Variants in PRKCQ observed in about 807,000 individuals in gnomAD.
PRKCQ encodes protein kinase C theta.
A neutral mutation model predicts 91.2 loss-of-function variants in PRKCQ; 41 were observed. That is an observed-to-expected ratio of 0.45 (90% CI 0.35 to 0.58). The LOEUF is 0.58. PRKCQ is among the 20% of genes least tolerant of loss of function. The pLI is 0.00. For synonymous variants in PRKCQ, 307 were observed against 316.9 expected (o/e 0.97, Z 0.33); for missense variants, 673 against 896.5 (o/e 0.75, Z 3.18).
intron 1 of PRKCQ, among the ~76,000 whole-genome samples, chr10:6,578,200 A>G (rs962910974): frequency 6.6e-6 from 1 of 152,218 alleles, no homozygotes; most frequent in African/African-American, 2.4e-5. Context: ...CTGAAGGAGA[A>G]GTGAGACAGC....
intron 1 of PRKCQ, among the ~76,000 whole-genome samples, chr10:6,527,726 A>G (rs1564375209): frequency 6.6e-6 from 1 of 152,122 alleles, no homozygotes; most frequent in Non-Finnish European, 1.5e-5. Context: ...CCACAATGAC[A>G]AAAGGCCCCG....
chr10:6,473,138 T>G (rs1836084189), intron 12 of PRKCQ, among the ~76,000 whole-genome samples: 1 of 152,216 alleles, frequency 6.6e-6, no homozygotes, highest in African/African-American at 2.4e-5. Context: ...ATGTTAAATG[T>G]CCCTTTCCCA....
intron 16 of PRKCQ, among the ~76,000 whole-genome samples, chr10:6,438,683 C>T (rs1833816082): frequency 6.6e-6 from 1 of 152,114 alleles, no homozygotes; most frequent in Admixed American, 6.5e-5. Context: ...GTAACCTCCA[C>T]CTTGTGGGCT....
At chr10:6,402,549 AG>A in the PRKCQ span, among the ~76,000 whole-genome samples, 1 of 152,094 alleles carries the variant, frequency 6.6e-6, no homozygotes, top group Non-Finnish European at 1.5e-5. Context: ...AAAGAAGCAA[AG>A]GGGACTTAAC....
chr10:6,470,293 C>T (rs961924278), intron 12 of PRKCQ, among the ~76,000 whole-genome samples: 1 of 152,164 alleles, frequency 6.6e-6, no homozygotes, highest in Non-Finnish European at 1.5e-5. Flanking sequence ...ACCTTTCCCC[C>T]CTGCTCTTCC....
intron 11 of PRKCQ, among the ~76,000 whole-genome samples, chr10:6,479,548 A>G (rs1400789347): frequency 6.6e-6 from 1 of 152,142 alleles, no homozygotes; most frequent in Non-Finnish European, 1.5e-5. Context: ...CATCACTGCA[A>G]GTGCACATAA....
At chr10:6,414,119 G>A in the PRKCQ span, among the ~76,000 whole-genome samples, 27 of 152,272 alleles carry the variant, frequency 1.8e-4, no homozygotes, top group Middle Eastern at 3.4e-3. Flanking sequence ...AGGTGACTCC[G>A]GAAGGTTCCC....
chr10:6,394,276 A>G, the PRKCQ span, among the ~76,000 whole-genome samples: 1 of 152,152 alleles, frequency 6.6e-6, no homozygotes, highest in Non-Finnish European at 1.5e-5. Flanking sequence ...TCGTAAGTGT[A>G]GTGGCCTGAT....
intron 1 of PRKCQ, among the ~76,000 whole-genome samples, chr10:6,563,431 CAT>C (rs1234548134): frequency 6.6e-6 from 1 of 152,086 alleles, no homozygotes; most frequent in East Asian, 1.9e-4. Flanking sequence ...GATGTTGGGC[CAT>C]CTCTCCTACC....
intron 14 of PRKCQ, among the ~76,000 whole-genome samples, chr10:6,458,529 TC>T (rs960494919): frequency 5.3e-5 from 8 of 152,014 alleles, no homozygotes; most frequent in African/African-American, 1.9e-4. Flanking sequence ...GAAGAGAACA[TC>T]CAGGGGCACC....
At chr10:6,578,761 T>C (rs986604645) in intron 1 of PRKCQ, among the ~76,000 whole-genome samples, 1 of 152,256 alleles carries the variant, frequency 6.6e-6, no homozygotes, top group African/African-American at 2.4e-5. Context: ...ACCATATTAG[T>C]AAATGTCACT....
chr10:6,405,483 C>A, the PRKCQ span, among the ~76,000 whole-genome samples: 1 of 152,192 alleles, frequency 6.6e-6, no homozygotes, highest in Non-Finnish European at 1.5e-5. Flanking sequence ...TTGCAAATCA[C>A]CCATGACAAT....
intron 1 of PRKCQ, among the ~76,000 whole-genome samples, chr10:6,517,985 A>G (rs1261810699): frequency 6.6e-6 from 1 of 152,218 alleles, no homozygotes; most frequent in Non-Finnish European, 1.5e-5. Flanking sequence ...ATGTAATTGC[A>G]TGTACCATTC....
chr10:6,403,714 ATC>A, the PRKCQ span, among the ~76,000 whole-genome samples: 91 of 152,266 alleles, frequency 6.0e-4, no homozygotes, highest in African/African-American at 2.0e-3. Context: ...TCCAGTGTTT[ATC>A]TCTCCTATTG....
the PRKCQ span, among the ~76,000 whole-genome samples, chr10:6,394,663 T>C: frequency 5.5e-5 from 8 of 144,162 alleles, no homozygotes; most frequent in South Asian, 1.7e-3. Flanking sequence ...GGGTCAGCTG[T>C]TGAACTGATG....
At chr10:6,479,684 C>G (rs1836472687) in intron 11 of PRKCQ, among the ~76,000 whole-genome samples, 1 of 146,538 alleles carries the variant, frequency 6.8e-6, no homozygotes, top group South Asian at 2.2e-4. Context: ...AATCCCAGCA[C>G]TTTGGGAGGT....
intron 12 of PRKCQ, among the ~76,000 whole-genome samples, chr10:6,467,305 G>A (rs1564323919): frequency 7.3e-6 from 1 of 136,228 alleles, no homozygotes; most frequent in African/African-American, 2.6e-5. Flanking sequence ...CTGAGAGAGA[G>A]AGAGAGAGAG....
chr10:6,543,006 C>T (rs895887899), intron 1 of PRKCQ, among the ~76,000 whole-genome samples: 3 of 152,208 alleles, frequency 2.0e-5, no homozygotes, highest in African/African-American at 7.2e-5. Flanking sequence ...CCTTTCCCTG[C>T]GTTGAGTCCT....
At chr10:6,419,428 A>T in the PRKCQ span, among the ~76,000 whole-genome samples, 1 of 152,132 alleles carries the variant, frequency 6.6e-6, no homozygotes, top group Admixed American at 6.6e-5. Context: ...GTTGAGGAAG[A>T]TGACAGTTTA....
Sources: allele counts gnomAD v4.1 joint callset (sites outside exome capture counted in the v4.1 genomes callset), GRCh38; gene constraint gnomAD v4.1.1; transcripts MANE v1.5; gene names NCBI Gene and HGNC (gene_info 2026-07-23, HGNC 2026-07-21).